The following STX12 variants were observed in gnomAD, a reference collection of about 807,000 sequenced individuals.
STX12 encodes syntaxin 12.
In STX12, 17 loss-of-function variants were observed where a neutral mutation model predicts 42.2. That is an observed-to-expected ratio of 0.40 (90% CI 0.28 to 0.60). The LOEUF is 0.60. Among genes scored for constraint, STX12 ranks in the 20% least tolerant of loss-of-function variants. The probability of loss-of-function intolerance (pLI) is 0.39; values close to 1 mark genes in which losing one functional copy is unlikely to be tolerated. For synonymous variants in STX12, 108 were observed against 116.7 expected, an observed-to-expected ratio of 0.93 and a Z score of 0.48; for missense variants, 297 against 330.9, an observed-to-expected ratio of 0.90 and a Z score of 0.79.
intron 6 of STX12, among the ~76,000 whole-genome samples, chr1:27,815,090 T>C (rs1382305168): frequency 6.6e-6 from 1 of 152,168 alleles, no homozygotes; most frequent in Non-Finnish European, 1.5e-5. Context: ...TGTAACATTA[T>C]ATAAGTAATA....
intron 1 of STX12, among the ~76,000 whole-genome samples, chr1:27,779,155 C>A (rs2088647081): frequency 2.0e-5 from 3 of 152,168 alleles, no homozygotes; most frequent in African/African-American, 7.2e-5. Flanking sequence ...AGCTCAACAT[C>A]TGTATTTCAA....
intron 1 of STX12, among the ~76,000 whole-genome samples, chr1:27,782,097 GGTTTTTT>G (rs2088671182): frequency 6.6e-6 from 1 of 150,408 alleles, no homozygotes; most frequent in Non-Finnish European, 1.5e-5. Context: ...CATAAGCAGT[GGTTTTTT>G]GTTTTTTGTT....
At chr1:27,788,750 G>C (rs1191040217) in intron 1 of STX12, among the ~76,000 whole-genome samples, 1 of 152,132 alleles carries the variant, frequency 6.6e-6, no homozygotes, top group East Asian at 1.9e-4. Context: ...GGTGGCTCAC[G>C]ACTGTAATCC....
chr1:27,805,811 T>C (rs2088859288), intron 4 of STX12, among the ~76,000 whole-genome samples: 3 of 152,178 alleles, frequency 2.0e-5, no homozygotes, highest in Admixed American at 2.0e-4. Context: ...CTAGCAGAAA[T>C]ATACAATTGG....
intron 1 of STX12, among the ~76,000 whole-genome samples, chr1:27,783,333 G>A (rs1291633215): frequency 6.6e-6 from 1 of 151,940 alleles, no homozygotes; most frequent in East Asian, 1.9e-4. Context: ...TTTGTTTTTT[G>A]TTTTTGTTTT....
At position 27,810,290 on chromosome 1, in the gene STX12, G is replaced by A; in HGVS notation, c.470+1G>A. On this transcript the variant is annotated splice_donor_variant, in intron 5 of 8. Transcript: ENST00000373943. LOFTEE classifies it high-confidence loss of function. ...AGGAGCAGCTGGTCTCATTTGACAG[G>A]TAATAGAATTATTCATACAACCTGC... The A allele has an allele frequency of 6.2e-7, 1 of 1,612,444 alleles. No individual in the cohort carries two copies. The highest frequency in any genetic ancestry group is 1.1e-5 in the South Asian group (1 of 90,994).
chr1:27,786,334 C>T (rs1044975072), intron 1 of STX12, among the ~76,000 whole-genome samples: 5 of 152,148 alleles, frequency 3.3e-5, no homozygotes, highest in African/African-American at 4.8e-5. Flanking sequence ...AGCTGTGTGG[C>T]TTGATCTTTC....
chr1:27,784,668 A>C (rs1241926680), intron 1 of STX12, among the ~76,000 whole-genome samples: 1 of 152,162 alleles, frequency 6.6e-6, no homozygotes, highest in African/African-American at 2.4e-5. Context: ...TTTTGAACAA[A>C]TCCCTGATGT....
intron 1 of STX12, among the ~76,000 whole-genome samples, chr1:27,788,494 A>G (rs2088713889): frequency 6.6e-6 from 1 of 152,210 alleles, no homozygotes; most frequent in Non-Finnish European, 1.5e-5. Flanking sequence ...GGATTCAAAC[A>G]TGACCATTCC....
At chr1:27,777,468 T>C (rs1234290438) in intron 1 of STX12, among the ~76,000 whole-genome samples, 3 of 152,202 alleles carry the variant, frequency 2.0e-5, no homozygotes, top group African/African-American at 7.2e-5. Flanking sequence ...TCTTGATGCA[T>C]AATAAATTGT....
chr1:27,799,929 T>C (rs150647135), intron 3 of STX12, among the ~76,000 whole-genome samples: 54 of 152,328 alleles, frequency 3.5e-4, no homozygotes, highest in African/African-American at 1.3e-3. Flanking sequence ...TTTTTTCTAT[T>C]TTTAGTAGTG....
At chr1:27,799,437 T>C (rs1376972010) in intron 3 of STX12, among the ~76,000 whole-genome samples, 1 of 151,864 alleles carries the variant, frequency 6.6e-6, no homozygotes, top group Admixed American at 6.6e-5. Context: ...TCTTCATTGC[T>C]CTTTGTTCTT....
intron 6 of STX12, among the ~76,000 whole-genome samples, chr1:27,814,761 A>T (rs2088928967): frequency 6.6e-6 from 1 of 151,496 alleles, no homozygotes; most frequent in Non-Finnish European, 1.5e-5. Flanking sequence ...GAGGCAGGAG[A>T]AGTGCTTGAA....
intron 3 of STX12, among the ~76,000 whole-genome samples, chr1:27,796,617 C>T (rs936129476): frequency 6.6e-6 from 1 of 152,064 alleles, no homozygotes; most frequent in Admixed American, 6.6e-5. Context: ...GTCTCAAACT[C>T]CTGGGCTCAA....
At chr1:27,777,446 C>T (rs1317721612) in intron 1 of STX12, among the ~76,000 whole-genome samples, 1 of 152,148 alleles carries the variant, frequency 6.6e-6, no homozygotes, top group Non-Finnish European at 1.5e-5. Flanking sequence ...CCAGGGATCA[C>T]ATTATATAGG....
rs745502060 is a variant in STX12, at chr1:27,822,342, G to A, written c.*13G>A. On this transcript the variant is annotated 3_prime_UTR_variant, in exon 9 of 9. Transcript: ENST00000373943. ...TAAAACGAAGTGATTGCCTCCGATCGTTCTCCCGCTGAGCTGTTTTCAAGG... is the reference window on the plus strand; with the variant it reads ...TAAAACGAAGTGATTGCCTCCGATCATTCTCCCGCTGAGCTGTTTTCAAGG... 3.6e-5 allele frequency: 56 copies of A among 1,551,930 alleles called. 1 individual carries two copies. Among genetic ancestry groups the A allele is most frequent in the Non-Finnish European group, 4.9e-5 (55 of 1,123,486 alleles).
chr1:27,815,193 G>A (rs186937089), intron 6 of STX12, among the ~76,000 whole-genome samples: 1 of 152,254 alleles, frequency 6.6e-6, no homozygotes, highest in East Asian at 1.9e-4. Flanking sequence ...AGGGAGTCCT[G>A]GAACCAATCC....
In STX12 at chr1:27,773,454, G is replaced by A. The variant is rs2088609617; in HGVS notation, c.118+29G>A. ...AGCCGGGGTACCGAGCTGGGGGGCG[G>A]GAGCTGTCCCGGGGACAGGCCTGGG... On this transcript the variant is annotated intron_variant, in intron 1 of 8. Coordinates refer to ENST00000373943, the MANE Select transcript of STX12 (RefSeq NM_177424.3). 1.9e-6 allele frequency: 3 copies of A among 1,605,400 alleles called. No individual in the cohort carries two copies. In the South Asian group the frequency reaches 3.3e-5, roughly 18 times the overall value.
At chr1:27,801,333 G>T (rs2148603466) in intron 3 of STX12, among the ~76,000 whole-genome samples, 1 of 152,058 alleles carries the variant, frequency 6.6e-6, no homozygotes, top group South Asian at 2.1e-4. Context: ...AACACGGGCG[G>T]CAGAGGTTGG....
Sources: allele counts gnomAD v4.1 joint callset (sites outside exome capture counted in the v4.1 genomes callset), GRCh38; gene constraint gnomAD v4.1.1; transcripts MANE v1.5; gene names NCBI Gene and HGNC (gene_info 2026-07-23, HGNC 2026-07-21).